The following FHIT variants were observed in gnomAD, a reference collection of about 807,000 sequenced individuals.
The protein encoded by FHIT is fragile histidine triad diadenosine triphosphatase, also known as bis(5'-adenosyl)-triphosphatase.
Under a neutral mutation model 17.9 loss-of-function variants are expected in FHIT, and 19 were observed. The observed-to-expected ratio is 1.06, with a 90% CI of 0.74 to 1.56. The LOEUF (loss-of-function observed/expected upper bound fraction) is 1.56, where lower values mean the gene tolerates loss of function less well. Among genes scored for constraint, FHIT ranks in the 40% most tolerant of loss-of-function variants. The pLI is 0.00. For missense variants in FHIT, 248 were observed against 189.2 expected, an observed-to-expected ratio of 1.31 and a Z score of -1.82; for synonymous variants, 81 against 69.7, an observed-to-expected ratio of 1.16 and a Z score of -0.81.
At chr3:59,865,118 T>C (rs1223098133) in intron 8 of FHIT, among the ~76,000 whole-genome samples, 1 of 152,226 alleles carries the variant, frequency 6.6e-6, no homozygotes, top group Non-Finnish European at 1.5e-5. Flanking sequence ...TAATTTCAAT[T>C]TCATTTAAAA....
intron 5 of FHIT, among the ~76,000 whole-genome samples, chr3:60,409,050 T>C (rs1421426280): frequency 6.6e-6 from 1 of 152,182 alleles, no homozygotes; most frequent in African/African-American, 2.4e-5. Context: ...TGCAAGTTCC[T>C]TACTATTTAT....
At chr3:60,569,271 C>T (rs1363575523) in intron 4 of FHIT, among the ~76,000 whole-genome samples, 2 of 152,110 alleles carry the variant, frequency 1.3e-5, no homozygotes, top group Non-Finnish European at 2.9e-5. Context: ...GCATTTTCCT[C>T]TTTAATTGTA....
At chr3:60,288,637 G>T (rs1487209032) in intron 5 of FHIT, among the ~76,000 whole-genome samples, 2 of 151,494 alleles carry the variant, frequency 1.3e-5, no homozygotes, top group Non-Finnish European at 2.9e-5. Flanking sequence ...ACGCACACAT[G>T]CCTGGGTCCA....
chr3:60,408,557 G>C (rs1221334037), intron 5 of FHIT, among the ~76,000 whole-genome samples: 1 of 152,158 alleles, frequency 6.6e-6, no homozygotes, highest in Non-Finnish European at 1.5e-5. Flanking sequence ...AAAAAGATCA[G>C]TGAATGTCTC....
chr3:60,252,362 A>G (rs922450652), intron 5 of FHIT, among the ~76,000 whole-genome samples: 3 of 152,086 alleles, frequency 2.0e-5, no homozygotes, highest in African/African-American at 7.2e-5. Flanking sequence ...TGGGCAACAT[A>G]GCGAAACCCC....
intron 5 of FHIT, among the ~76,000 whole-genome samples, chr3:60,140,153 AGATT>A (rs1444550613): frequency 6.6e-6 from 1 of 152,136 alleles, no homozygotes; most frequent in Admixed American, 6.5e-5. Flanking sequence ...TGTAGATTAC[AGATT>A]GATAATTGTA....
intron 5 of FHIT, among the ~76,000 whole-genome samples, chr3:60,206,852 T>C (rs956632889): frequency 6.6e-6 from 1 of 152,092 alleles, no homozygotes; most frequent in African/African-American, 2.4e-5. Flanking sequence ...TGGTGTCCAC[T>C]GTACTTTTTA....
chr3:60,791,405 A>G (rs1352623568), intron 4 of FHIT, among the ~76,000 whole-genome samples: 1 of 152,216 alleles, frequency 6.6e-6, no homozygotes, highest in Non-Finnish European at 1.5e-5. Flanking sequence ...CTACTTAATA[A>G]ACATTTAACT....
At chr3:60,607,025 C>A (rs1406890871) in intron 4 of FHIT, among the ~76,000 whole-genome samples, 9 of 152,044 alleles carry the variant, frequency 5.9e-5, no homozygotes, top group Admixed American at 5.2e-4. Context: ...ATTGCTGGAC[C>A]TCTATATTTG....
intron 5 of FHIT, among the ~76,000 whole-genome samples, chr3:60,121,583 C>T (rs7636416): frequency 0.26 from 39,357 of 151,842 alleles, 5,811 homozygotes; most frequent in Non-Finnish European, 0.34. Flanking sequence ...GCTTAGGAGG[C>T]TGAGGCAGGA....
chr3:61,154,593 C>G (rs1417632382), intron 2 of FHIT, among the ~76,000 whole-genome samples: 1 of 152,158 alleles, frequency 6.6e-6, no homozygotes, highest in Middle Eastern at 3.2e-3. Context: ...ATTCCACCCC[C>G]TCTCCTGCTA....
chr3:60,820,481 G>A (rs1701887339), intron 4 of FHIT, among the ~76,000 whole-genome samples: 1 of 152,218 alleles, frequency 6.6e-6, no homozygotes, highest in Admixed American at 6.5e-5. Flanking sequence ...TAAACAGGCA[G>A]GTGACCTGCC....
At chr3:60,896,938 A>G (rs1705852869) in intron 3 of FHIT, among the ~76,000 whole-genome samples, 1 of 152,196 alleles carries the variant, frequency 6.6e-6, no homozygotes, top group Non-Finnish European at 1.5e-5. Flanking sequence ...CCTGTAGATG[A>G]CCAATTTCAT....
chr3:61,223,762 A>G (rs76985352), intron 1 of FHIT, among the ~76,000 whole-genome samples: 5,525 of 152,276 alleles, frequency 0.036, 141 homozygotes, highest in African/African-American at 0.06. Context: ...TTTAAATGCT[A>G]TCTTATTTTG....
At chr3:60,704,506 T>C (rs529964770) in intron 4 of FHIT, among the ~76,000 whole-genome samples, 1 of 152,318 alleles carries the variant, frequency 6.6e-6, no homozygotes, top group South Asian at 2.1e-4. Context: ...GAGTAACATA[T>C]TTGCTCTAAA....
chr3:60,094,042 C>G (rs913954001), intron 5 of FHIT, among the ~76,000 whole-genome samples: 2 of 151,934 alleles, frequency 1.3e-5, no homozygotes, highest in Non-Finnish European at 2.9e-5. Context: ...ACTATATGTG[C>G]TCTCAGAGCC....
intron 5 of FHIT, among the ~76,000 whole-genome samples, chr3:60,050,608 T>C (rs1341163290): frequency 6.6e-6 from 1 of 152,152 alleles, no homozygotes; most frequent in Non-Finnish European, 1.5e-5. Context: ...TGTATCCTTA[T>C]GCAGTCCACA....
chr3:60,886,989 C>G (rs1167198078), intron 3 of FHIT, among the ~76,000 whole-genome samples: 1 of 152,166 alleles, frequency 6.6e-6, no homozygotes, highest in Non-Finnish European at 1.5e-5. Context: ...CAGCAAACTT[C>G]ATTTGACTAT....
At chr3:60,616,623 A>G (rs2038959632) in intron 4 of FHIT, among the ~76,000 whole-genome samples, 1 of 128,356 alleles carries the variant, frequency 7.8e-6, no homozygotes, top group Non-Finnish European at 1.8e-5. Context: ...TATAAATCAA[A>G]CGTGAAAGAT....
Sources: gnomAD v4.1 joint callset for allele counts (sites outside exome capture counted in the v4.1 genomes callset) on GRCh38, gnomAD v4.1.1 for gene constraint, MANE v1.5 for transcripts, NCBI Gene and HGNC (gene_info 2026-07-23, HGNC 2026-07-21) for gene names.